Variants in IDUA observed in about 807,000 individuals in gnomAD.
The protein encoded by IDUA is iduronidase alpha-L-.
Under a neutral mutation model 68.9 loss-of-function variants are expected in IDUA, and 65 were observed. The ratio of observed to expected loss-of-function variants is 0.94; its 90% CI spans 0.77 to 1.16. IDUA has a LOEUF of 1.16. Ranked by LOEUF, IDUA falls within the 50% of genes most tolerant of loss-of-function variation. The pLI, the probability that IDUA is intolerant of heterozygous loss-of-function variation, is 0.00. For synonymous variants in IDUA, 529 were observed against 433.6 expected (o/e 1.22, Z -2.73); for missense variants, 1,046 against 938.0 (o/e 1.12, Z -1.50).
At position 1,001,889 on chromosome 4, in the gene IDUA, C is replaced by A; in HGVS notation, c.792+8C>A. ...ATCTCCCTCCACAGGAAGGTGCGCC[C>A]TGCCCCTCCGTCCGCCCCGGTGTTC... is the stretch of plus-strand genomic sequence containing the variant. On this transcript the variant is annotated splice_region_variant and intron_variant, in intron 6 of 13. Coordinates refer to ENST00000514224, the MANE Select transcript of IDUA (RefSeq NM_000203.5). 1 of 1,575,376 alleles carries A rather than the reference C, an allele frequency of 6.3e-7. No individual in the cohort carries two copies. Among genetic ancestry groups the A allele is most frequent in the East Asian group, 2.3e-5 (1 of 42,994 alleles).
At chr4:995,046 CTTT>C (rs562525715) in intron 2 of IDUA, among the ~76,000 whole-genome samples, 6 of 138,962 alleles carry the variant, frequency 4.3e-5, no homozygotes, top group Non-Finnish European at 4.7e-5. Flanking sequence ...GCCTACAAGT[CTTT>C]TTTTTTTTTT....
chr4:1,002,881 C>T lies in IDUA; in HGVS notation c.1339C>T (p.Arg447Cys), dbSNP rs866224971. ...GCTGATCTACGCGAGCGACGACACC[C>T]GCGCCCACCCCAACCGCAGCGTCGC... The part of the protein sequence containing the change: ...AVLIYASDDT[R>C]AHPNRSVAVT... The change falls in exon 9 of 14, where the codon CGC becomes TGC. Residue 447 changes from arginine to cysteine, a missense_variant. Transcript: ENST00000514224. 5.5e-5 allele frequency: 79 copies of T among 1,434,906 alleles called. 1 individual carries two copies. In the Middle Eastern group the frequency reaches 9.3e-4, roughly 17 times the overall value. The allele number at this position is 1,434,906 out of a possible 1,614,324, so 88.9% of individuals were successfully genotyped here.
At chr4:989,825 G>T in intron 2 of IDUA, 2 of 1,579,690 alleles carry the variant, frequency 1.3e-6, no homozygotes, top group Non-Finnish European at 1.7e-6. Flanking sequence ...TGGTTGGCAC[G>T]CACAGAGTAG....
At chr4:988,260 C>T in intron 2 of IDUA, 1 of 1,234,274 alleles carries the variant, frequency 8.1e-7, no homozygotes, top group Non-Finnish European at 1.0e-6. Flanking sequence ...AGGGCCACTG[C>T]ACCTGAGGGC....
chr4:991,874 C>T (rs963110878), intron 2 of IDUA: 145 of 1,458,358 alleles, frequency 9.9e-5, no homozygotes, highest in Middle Eastern at 1.7e-4. Context: ...CCTGGCAGCG[C>T]GGGCCCCAGC....
Position 1,002,463 on chromosome 4 carries a change from CA to C in IDUA, c.1168del (p.Met390TrpfsTer50). 6.5e-7 allele frequency: 1 copy of C among 1,549,500 alleles called. No homozygotes were observed. The highest frequency in any genetic ancestry group is 8.7e-7 in the Non-Finnish European group (1 of 1,147,088). Reference protein sequence around the residue: ...QLLRKPVLTAMGLLALLDEEQ... With the variant: ...QLLRKPVLTAXGLLALLDEEQ... Reference sequence around the variant, plus strand: ...TGTTGCGCAAGCCGGTGCTCACGGCCATGGGGCTGCTGGCGCTGCTGGGTGA... The same window carrying C: ...TGTTGCGCAAGCCGGTGCTCACGGCCTGGGGCTGCTGGCGCTGCTGGGTGA... On this transcript the variant is annotated frameshift_variant, in exon 8 of 14. Coordinates refer to ENST00000514224, the MANE Select transcript of IDUA (RefSeq NM_000203.5). LOFTEE classifies it high-confidence loss of function.
chr4:1,003,047 G>C lies in IDUA; in HGVS notation c.1414G>C (p.Val472Leu), dbSNP rs756611577. The C allele has an allele frequency of 3.3e-6, 5 of 1,511,818 alleles. No homozygotes were observed. The highest frequency in any genetic ancestry group is 3.5e-6 in the Non-Finnish European group (4 of 1,139,238). The allele number at this position is 1,511,818 out of a possible 1,614,324, so 93.7% of individuals were successfully genotyped here. The part of the protein sequence containing the change: ...GVPPGPGLVY[V>L]TRYLDNGLCS... ...GTCAGGCCCCGCAGGCCTGGTCTAC[G>C]TCACGCGCTACCTGGACAACGGGCT... The change falls in exon 10 of 14, where the codon GTC becomes CTC. Residue 472 changes from valine to leucine, a missense_variant. Physicochemically the swap from Val to Leu is conservative, Grantham distance 32. Transcript: ENST00000514224.
At chr4:1,000,824 C>CTGGCAGAGCATGGGTGTGGTGTG in intron 3 of IDUA, 58 bp from the exon 4 acceptor site, 1 of 1,528,522 alleles carries the variant, frequency 6.5e-7, no homozygotes, top group Non-Finnish European at 9.1e-7. Flanking sequence ...GAGCACAGGC[C>CTGGCAGAGCATGGGTGTGGTGTG]TGGCAGAGCA....
At position 1,002,772 on chromosome 4, in the gene IDUA, C is replaced by A. The variant is rs115790973; in HGVS notation, c.1230C>A (p.Thr410=). 52 of 1,474,612 alleles carry A rather than the reference C, an allele frequency of 3.5e-5. No individual in the cohort carries two copies. Among genetic ancestry groups the A allele is most frequent in the South Asian group, 2.2e-4 (17 of 77,450 alleles). 91.3% of individuals were successfully genotyped at this position (1,474,612 alleles called of 1,614,324 possible). A position where few individuals can be genotyped will look rare whatever the true frequency, so the allele number is the denominator to read the frequency against. The part of the protein sequence containing the change: ...QLWAEVSQAG[T]VLDSNHTVGV... Reference sequence around the variant, plus strand: ...GGGCCGAAGTGTCGCAGGCCGGGACCGTCCTGGACAGCAACCACACGGTGG... The same window carrying A: ...GGGCCGAAGTGTCGCAGGCCGGGACAGTCCTGGACAGCAACCACACGGTGG... The change falls in exon 9 of 14, where the codon ACC becomes ACA. Residue 410 remains threonine (T), a synonymous_variant. Coordinates refer to ENST00000514224, the MANE Select transcript of IDUA (RefSeq NM_000203.5).
At chr4:987,381 T>A in intron 1 of IDUA, 139 bp downstream of exon 1, 1 of 880,930 alleles carries the variant, frequency 1.1e-6, no homozygotes. Context: ...CCCCCCGCCG[T>A]GTTTGTGGGT....
intron 2 of IDUA, chr4:990,088 T>C (rs778501329): frequency 2.5e-6 from 4 of 1,598,182 alleles, no homozygotes; most frequent in African/African-American, 2.7e-5. Flanking sequence ...GCGGTGTCGG[T>C]AGCGGTCTGA....
In IDUA at chr4:1,003,921, G is replaced by A. The variant is rs986817817; in HGVS notation, c.1728-91G>A. ...GTGCCGCCGAGGGGCTTGAGGGAAT[G>A]AGGCTGTGGGTCCACGCGGCCGTGC... On this transcript the variant is annotated intron_variant, in intron 12 of 13. Transcript: ENST00000514224. The A allele has an allele frequency of 2.8e-5, 30 of 1,069,642 alleles. 2 individuals are homozygous for A. Among genetic ancestry groups the A allele is most frequent in the East Asian group, 9.4e-5 (4 of 42,370 alleles). The allele number at this position is 1,069,642 out of a possible 1,614,324, so 66.3% of individuals were successfully genotyped here. A position where few individuals can be genotyped will look rare whatever the true frequency, so the allele number is the denominator to read the frequency against.
At position 1,002,020 on chromosome 4, in the gene IDUA, G is replaced by A. The variant is rs750930336; in HGVS notation, c.831G>A (p.Lys277=). ...CCATCTCCATCCTGGAGCAGGAGAA[G>A]GTCGTCGCGCAGCAGATCCGGCAGC... is the stretch of plus-strand genomic sequence containing the variant. ...RSSISILEQE[K]VVAQQIRQLF... Residue 277 remains lysine, a synonymous_variant, in exon 7 of 14, where the codon AAG becomes AAA. Transcript: ENST00000514224. 2 of 1,597,384 alleles carry A rather than the reference G, an allele frequency of 1.3e-6. No homozygotes were observed. Among genetic ancestry groups the A allele is most frequent in the South Asian group, 1.1e-5 (1 of 88,108 alleles).
chr4:992,194 G>C (rs1206867117), intron 2 of IDUA: 2 of 460,234 alleles, frequency 4.3e-6, no homozygotes, highest in Non-Finnish European at 4.4e-6. Context: ...GCAAGCCTGA[G>C]TCCAGCTGCT....
At chr4:1,001,603 G>C (rs762060958) in intron 5 of IDUA, 40 bp downstream of exon 5, 2 of 1,609,714 alleles carry the variant, frequency 1.2e-6, no homozygotes, top group Admixed American at 3.3e-5. Flanking sequence ...GCTGAAAGGG[G>C]GCAGAGGAAG....
At chr4:1,001,296 G>A (rs1577538622) in intron 4 of IDUA, 172 bp from the exon 5 acceptor site, 2 of 700,494 alleles carry the variant, frequency 2.9e-6, no homozygotes, top group Non-Finnish European at 5.1e-6. Flanking sequence ...CCGCCGCCCA[G>A]GTCTTGGACC....
At chr4:991,671 G>A (rs187655915) in intron 2 of IDUA, 1 of 1,537,396 alleles carries the variant, frequency 6.5e-7, no homozygotes, top group Non-Finnish European at 8.7e-7. Flanking sequence ...CCGGCCCTCT[G>A]CCCTGCTGCA....
chr4:989,144 T>C, intron 2 of IDUA: 1 of 1,607,902 alleles, frequency 6.2e-7, no homozygotes, highest in Non-Finnish European at 8.5e-7. Flanking sequence ...AGCGCAGCCC[T>C]GGTGCTAACC....
At chr4:989,375 A>G (rs1560534771) in intron 2 of IDUA, 1 of 1,582,040 alleles carries the variant, frequency 6.3e-7, no homozygotes, top group African/African-American at 1.3e-5. Context: ...GCATCCTCGT[A>G]GAAGGCCGTG....
Sources: allele counts gnomAD v4.1 joint callset (sites outside exome capture counted in the v4.1 genomes callset), GRCh38; gene constraint gnomAD v4.1.1; transcripts MANE v1.5; gene names NCBI Gene and HGNC (gene_info 2026-07-23, HGNC 2026-07-21).